Variants in NPL observed in about 807,000 individuals in gnomAD.
NPL encodes N-acetylneuraminate lyase.
A neutral mutation model predicts 41.1 loss-of-function variants in NPL; 32 were observed. The ratio of observed to expected loss-of-function variants is 0.78; its 90% confidence interval spans 0.59 to 1.05. The LOEUF (loss-of-function observed/expected upper bound fraction) is 1.05, where lower values mean the gene tolerates loss of function less well. NPL is among the 50% of genes least tolerant of loss of function. The pLI is 0.00. For missense variants in NPL, 321 were observed against 378.4 expected (o/e 0.85, Z 1.26); for synonymous variants, 128 against 134.9 (o/e 0.95, Z 0.35).
In NPL at chr1:182,812,155, G is replaced by C; in HGVS notation, c.231-1G>C. On this transcript the variant is annotated splice_acceptor_variant, in intron 5 of 12. Coordinates refer to ENST00000367553, the MANE Select transcript of NPL (RefSeq NM_030769.3). LOFTEE classifies it high-confidence loss of function. The stretch of plus-strand genomic sequence containing the variant: ...ATGCAGCAGTGTTTTTTCTTTTGCA[G>C]GCTGGATCAGGTGATAATTCACGTA... 1 of 1,613,908 alleles carries C rather than the reference G, an allele frequency of 6.2e-7. No individual in the cohort carries two copies. Among genetic ancestry groups the C allele is most frequent in the Non-Finnish European group, 8.5e-7 (1 of 1,179,796 alleles).
Position 182,829,402 on chromosome 1 carries a change from A to G in NPL, c.*494A>G. The G allele has an allele frequency of 5.8e-6, 8 of 1,380,034 alleles. No individual in the cohort carries two copies. The highest frequency in any genetic ancestry group is 7.5e-6 in the Non-Finnish European group (8 of 1,064,498). The allele number at this position is 1,380,034 out of a possible 1,614,324, so 85.5% of individuals were successfully genotyped here. ...AACTGTATACAACTCAAAATACACC[A>G]GCTCATTTGGCTGCTCAGTCTAACT... On this transcript the variant is annotated 3_prime_UTR_variant, in exon 13 of 13. Coordinates refer to ENST00000367553, the MANE Select transcript of NPL (RefSeq NM_030769.3).
intron 4 of NPL, 75 bp from the exon 5 acceptor site, chr1:182,806,070 C>T: frequency 6.4e-7 from 1 of 1,556,546 alleles, no homozygotes; most frequent in Non-Finnish European, 8.8e-7. Context: ...GGTTTCTGAC[C>T]CTGCACTTTC....
intron 5 of NPL, chr1:182,809,087 G>A: frequency 3.5e-6 from 1 of 285,930 alleles, no homozygotes. Flanking sequence ...CTGATGGATT[G>A]ATCAGAAATT....
At chr1:182,804,918 G>T (rs1449482547) in intron 4 of NPL, among the ~76,000 whole-genome samples, 1 of 152,178 alleles carries the variant, frequency 6.6e-6, no homozygotes, top group Non-Finnish European at 1.5e-5. Context: ...CCCTGGGTAT[G>T]AGGAAAAAGC....
chr1:182,812,081 C>T, intron 5 of NPL, 75 bp from the exon 6 acceptor site: 1 of 1,456,850 alleles, frequency 6.9e-7, no homozygotes, highest in East Asian at 2.3e-5. Context: ...CTAAAATCAG[C>T]ACAAACCAGG....
chr1:182,822,291 T>C, intron 11 of NPL, 92 bp downstream of exon 11: 1 of 849,676 alleles, frequency 1.2e-6, no homozygotes, highest in African/African-American at 1.7e-5. Context: ...CTGCCCTCAT[T>C]AAAATTGCCC....
intron 3 of NPL, among the ~76,000 whole-genome samples, chr1:182,800,375 G>A (rs980331181): frequency 1.4e-5 from 2 of 144,878 alleles, no homozygotes; most frequent in Non-Finnish European, 3.0e-5. Flanking sequence ...GATTGAGGCT[G>A]TAGTGAGCCG....
At chr1:182,806,065 C>G in intron 4 of NPL, 80 bp from the exon 5 acceptor site, 2 of 1,535,814 alleles carry the variant, frequency 1.3e-6, no homozygotes, top group Non-Finnish European at 9.0e-7. Flanking sequence ...GCAGTGGTTT[C>G]TGACCCTGCA....
chr1:182,822,552 T>A (rs548558041), intron 11 of NPL, among the ~76,000 whole-genome samples: 2 of 152,322 alleles, frequency 1.3e-5, no homozygotes, highest in South Asian at 4.2e-4. Context: ...ACATCAGAGT[T>A]ATCACAGAAT....
intron 3 of NPL, among the ~76,000 whole-genome samples, chr1:182,799,946 A>G (rs1268203422): frequency 6.6e-6 from 1 of 152,182 alleles, no homozygotes; most frequent in Non-Finnish European, 1.5e-5. Flanking sequence ...GGTGCTGTGC[A>G]GCCTATTCAA....
intron 11 of NPL, among the ~76,000 whole-genome samples, chr1:182,822,603 CTTCA>C: frequency 6.6e-6 from 1 of 152,266 alleles, no homozygotes; most frequent in African/African-American, 2.4e-5. Context: ...ATGGGGAAGG[CTTCA>C]TTCAAAGTCA....
chr1:182,816,895 C>T, intron 8 of NPL, 89 bp downstream of exon 8: 1 of 973,158 alleles, frequency 1.0e-6, no homozygotes, highest in Non-Finnish European at 1.6e-6. Context: ...TCCCACCCTA[C>T]CCCATGCCCC....
intron 3 of NPL, among the ~76,000 whole-genome samples, chr1:182,799,018 A>G (rs1666756582): frequency 2.6e-5 from 4 of 152,276 alleles, no homozygotes; most frequent in Admixed American, 2.6e-4. Flanking sequence ...GTATGAAAAT[A>G]GCCTGTCCTG....
At chr1:182,797,833 T>TG (rs1666719670) in intron 3 of NPL, among the ~76,000 whole-genome samples, 1 of 152,252 alleles carries the variant, frequency 6.6e-6, no homozygotes, top group Non-Finnish European at 1.5e-5. Flanking sequence ...TGCTTAGCCC[T>TG]GTTCAATAGA....
At chr1:182,813,676 G>A (rs1193067893) in intron 6 of NPL, among the ~76,000 whole-genome samples, 6 of 152,172 alleles carry the variant, frequency 3.9e-5, no homozygotes, top group Non-Finnish European at 7.4e-5. Flanking sequence ...ATAATCCTCT[G>A]GAATAGGGAT....
At chr1:182,820,629 A>G (rs1486213836) in intron 10 of NPL, among the ~76,000 whole-genome samples, 1 of 152,214 alleles carries the variant, frequency 6.6e-6, no homozygotes, top group Non-Finnish European at 1.5e-5. Flanking sequence ...GAAACTTTCA[A>G]TCATGGCGGA....
At chr1:182,819,482 G>A (rs1163426577) in intron 10 of NPL, among the ~76,000 whole-genome samples, 1 of 151,700 alleles carries the variant, frequency 6.6e-6, no homozygotes, top group Non-Finnish European at 1.5e-5. Flanking sequence ...GTGGTGGCAG[G>A]CACCTGTAAT....
At chr1:182,801,410 C>A (rs1009909104) in intron 3 of NPL, among the ~76,000 whole-genome samples, 1 of 152,156 alleles carries the variant, frequency 6.6e-6, no homozygotes, top group Non-Finnish European at 1.5e-5. Flanking sequence ...GAAGCACTAT[C>A]CACTGAGGCC....
chr1:182,805,576 T>A (rs1666980577), intron 4 of NPL, among the ~76,000 whole-genome samples: 1 of 152,252 alleles, frequency 6.6e-6, no homozygotes, highest in Admixed American at 6.5e-5. Context: ...AGAAAAATAA[T>A]TTCTACTTTG....
Sources: allele counts gnomAD v4.1 joint callset (sites outside exome capture counted in the v4.1 genomes callset), GRCh38; gene constraint gnomAD v4.1.1; transcripts MANE v1.5; gene names NCBI Gene and HGNC (gene_info 2026-07-23, HGNC 2026-07-21).